The following SGCE variants were observed in gnomAD, a reference collection of about 807,000 sequenced individuals.
SGCE encodes the protein epsilon-sarcoglycan.
In SGCE, 26 loss-of-function variants were observed where a neutral mutation model predicts 57.8. The ratio of observed to expected loss-of-function variants is 0.45; its 90% CI spans 0.33 to 0.62. The LOEUF (loss-of-function observed/expected upper bound fraction) is 0.62, where lower values mean the gene tolerates loss of function less well. Among genes scored for constraint, SGCE ranks in the 20% least tolerant of loss-of-function variants. The probability of loss-of-function intolerance (pLI) is 0.02; values close to 1 mark genes in which losing one functional copy is unlikely to be tolerated. For synonymous variants in SGCE, 183 were observed against 189.5 expected (o/e 0.97, Z 0.28); for missense variants, 468 against 548.6 (o/e 0.85, Z 1.47).
chr7:94,605,317 C>G (rs184974530), intron 5 of SGCE, among the ~76,000 whole-genome samples: 1 of 149,700 alleles, frequency 6.7e-6, no homozygotes, highest in Non-Finnish European at 1.5e-5. Flanking sequence ...TGATATAAGT[C>G]AGAAACTCAG....
rs181794268 is a variant in SGCE, at chr7:94,630,275, T to C, written c.110-434A>G. On this transcript the variant is annotated intron_variant, in intron 1 of 10. Transcript: ENST00000648936. ...AAAGTACAGAGTAATTTTTAAGTGG[T>C]AAGAATCCATACTATACTAATTGTT... Among the ~76,000 whole-genome samples, 7 of 151,990 alleles carry C rather than the reference T, an allele frequency of 4.6e-5. No homozygotes were observed. The East Asian group carries it at 1.2e-3, about 25-fold the overall frequency.
chr7:94,655,791 G>A (rs1311217012), intron 1 of SGCE, among the ~76,000 whole-genome samples, 199 bp downstream of exon 1: 2 of 147,460 alleles, frequency 1.4e-5, no homozygotes, highest in Admixed American at 1.3e-4. Flanking sequence ...AAAAGGCCAG[G>A]GGTCAAGCCT....
intron 1 of SGCE, among the ~76,000 whole-genome samples, chr7:94,652,023 GAAGTTTAGAAA>G (rs1439005816): frequency 6.6e-6 from 1 of 151,730 alleles, no homozygotes; most frequent in African/African-American, 2.4e-5. Flanking sequence ...ACTGGATTCC[GAAGTTTAGAAA>G]AAGCCTGAAT....
At chr7:94,600,599 T>C in intron 7 of SGCE, 47 bp downstream of exon 7, 1 of 1,382,640 alleles carries the variant, frequency 7.2e-7, no homozygotes, top group East Asian at 2.3e-5. Flanking sequence ...TCTATGTTGT[T>C]ATCTTAGCAG....
At chr7:94,655,654 T>C (rs1014813567) in intron 1 of SGCE, among the ~76,000 whole-genome samples, 2 of 151,852 alleles carry the variant, frequency 1.3e-5, no homozygotes, top group Non-Finnish European at 2.9e-5. Context: ...CCCAGCTCTT[T>C]GCTACAGGGA....
At chr7:94,604,796 A>G (rs2116738758) in intron 5 of SGCE, among the ~76,000 whole-genome samples, 1 of 91,910 alleles carries the variant, frequency 1.1e-5, no homozygotes. Context: ...TTTATAACTA[A>G]TGGTGCTGGA....
chr7:94,590,279 TAAA>T (rs1025708682), intron 9 of SGCE, among the ~76,000 whole-genome samples: 1 of 152,094 alleles, frequency 6.6e-6, no homozygotes, highest in Admixed American at 6.6e-5. Context: ...TATTTTTAAT[TAAA>T]AAAATCTCAA....
intron 9 of SGCE, chr7:94,589,754 AC>A (rs1797414199): frequency 1.1e-5 from 2 of 182,068 alleles, no homozygotes; most frequent in Admixed American, 6.1e-5. Flanking sequence ...GTCCCCCATC[AC>A]CCCCTGATGG....
At chr7:94,655,847 G>T in intron 1 of SGCE, 143 bp downstream of exon 1, 1 of 658,702 alleles carries the variant, frequency 1.5e-6, no homozygotes, top group East Asian at 2.7e-5. Flanking sequence ...AGGGTGTACT[G>T]AAGGAGGGGT....
chr7:94,622,215 C>G (rs1407351377), intron 4 of SGCE: 3 of 152,148 alleles, frequency 2.0e-5, no homozygotes, highest in Non-Finnish European at 4.4e-5. Flanking sequence ...AAAAATTCCC[C>G]TATCAAGAAT....
At chr7:94,602,200 C>G (rs1429879578) in intron 6 of SGCE, among the ~76,000 whole-genome samples, 1 of 151,962 alleles carries the variant, frequency 6.6e-6, no homozygotes, top group Non-Finnish European at 1.5e-5. Context: ...TCTCCTGCAC[C>G]CTTGTATCGT....
intron 9 of SGCE, among the ~76,000 whole-genome samples, chr7:94,592,064 A>G (rs966346422): frequency 6.6e-6 from 1 of 152,182 alleles, no homozygotes; most frequent in African/African-American, 2.4e-5. Context: ...GGTACAACCT[A>G]TCTCCTGTTT....
chr7:94,639,405 G>A, intron 1 of SGCE: 3 of 1,535,430 alleles, frequency 2.0e-6, no homozygotes, highest in Non-Finnish European at 2.6e-6. Context: ...TGGTCTTCCA[G>A]TTAACTGTTC....
chr7:94,633,868 G>A (rs34646287), intron 1 of SGCE, among the ~76,000 whole-genome samples: 21,746 of 152,112 alleles, frequency 0.14, 1,684 homozygotes, highest in South Asian at 0.25. Context: ...TTAATGGCAT[G>A]TGCATAAGCA....
chr7:94,592,750 CTG>C (rs1030796860), intron 9 of SGCE, among the ~76,000 whole-genome samples: 3 of 152,042 alleles, frequency 2.0e-5, no homozygotes, highest in African/African-American at 7.2e-5. Flanking sequence ...TACCGTAATT[CTG>C]TGAGTAAGGT....
intron 3 of SGCE, chr7:94,626,147 T>C (rs1315831426): frequency 6.6e-6 from 1 of 152,102 alleles, no homozygotes; most frequent in Non-Finnish European, 1.5e-5. Context: ...TCTTATTAAA[T>C]TGCAGGATTT....
intron 5 of SGCE, 110 bp downstream of exon 5, chr7:94,618,648 T>C: frequency 1.2e-6 from 1 of 863,176 alleles, no homozygotes; most frequent in Non-Finnish European, 1.8e-6. Context: ...AATATCTATT[T>C]CTTATTAAAA....
At position 94,615,274 on chromosome 7, in the gene SGCE, G is replaced by A. The variant is rs986577572; in HGVS notation, c.662+3484C>T. Among the ~76,000 whole-genome samples the A allele has an allele frequency of 4.6e-5, 7 of 152,052 alleles. No individual in the cohort carries two copies. In the South Asian group the frequency reaches 8.3e-4, roughly 18 times the overall value. ...ATCAGGAGGTTGAGGCAGGAGAATC[G>A]CTTGAACCCAGGAGGCAGAGGTTGC... On this transcript the variant is annotated intron_variant, in intron 5 of 10. Coordinates refer to ENST00000648936, the MANE Select transcript of SGCE (RefSeq NM_003919.3).
At chr7:94,602,331 A>T (rs1799389254) in intron 6 of SGCE, among the ~76,000 whole-genome samples, 1 of 152,178 alleles carries the variant, frequency 6.6e-6, no homozygotes, top group Non-Finnish European at 1.5e-5. Flanking sequence ...GACAAGAGGC[A>T]TGAGAAGGAG....
Sources: gnomAD v4.1 joint callset for allele counts (sites outside exome capture counted in the v4.1 genomes callset) on GRCh38, gnomAD v4.1.1 for gene constraint, MANE v1.5 for transcripts, NCBI Gene and HGNC (gene_info 2026-07-23, HGNC 2026-07-21) for gene names.